Variants in CACNA2D4 observed in about 807,000 individuals in gnomAD.
The protein encoded by CACNA2D4 is voltage-dependent calcium channel subunit alpha-2/delta-4.
CACNA2D4 carries 157 observed loss-of-function variants against 163.8 expected under a neutral mutation model. The observed-to-expected ratio is 0.96, with a 90% confidence interval of 0.84 to 1.09. The LOEUF (loss-of-function observed/expected upper bound fraction) is 1.09, where lower values mean the gene tolerates loss of function less well. CACNA2D4 is among the 50% of genes least tolerant of loss of function. CACNA2D4 has a pLI of 0.00. For synonymous variants in CACNA2D4, 598 were observed against 586.9 expected, an observed-to-expected ratio of 1.02 and a Z score of -0.27; for missense variants, 1,410 against 1,479.9, an observed-to-expected ratio of 0.95 and a Z score of 0.78.
intron 29 of CACNA2D4, among the ~76,000 whole-genome samples, chr12:1,803,194 C>T (rs1366976502): frequency 6.6e-6 from 1 of 152,234 alleles, no homozygotes; most frequent in East Asian, 1.9e-4. Context: ...TGGGGCCTGC[C>T]CTGGGCAGCC....
chr12:1,912,990 A>G lies in CACNA2D4; in HGVS notation c.426+33T>C, dbSNP rs749388262. ...TGCCACCTGCGTCATGGGGCTGGGG[A>G]GAAACGCCCTGCAGATCACAGGCCT... On this transcript the variant is annotated intron_variant, in intron 3 of 37. Transcript: ENST00000382722. The G allele has an allele frequency of 5.7e-6, 8 of 1,410,078 alleles. No homozygotes were observed. In the Admixed American group the frequency reaches 1.4e-4, roughly 24 times the overall value. 87.3% of individuals were successfully genotyped at this position (1,410,078 alleles called of 1,614,324 possible). A position where few individuals can be genotyped will look rare whatever the true frequency, so the allele number is the denominator to read the frequency against.
At chr12:1,809,364 C>G (rs939172515) in intron 29 of CACNA2D4, 77 of 607,408 alleles carry the variant, frequency 1.3e-4, no homozygotes, top group Non-Finnish European at 2.0e-4. Flanking sequence ...CCCGGCGAGA[C>G]ACAGCTAATG....
Position 1,913,137 on chromosome 12 carries a change from C to T in CACNA2D4, c.312G>A (p.Lys104=). ...TCAGACTGGACTCCACATCCTTGTA[C>T]TTCTGTTTGGGGAAAGTGGGAGAGA... The part of the protein sequence containing the change: ...KYSGSLLLQK[K]YKDVESSLKI... The change falls in exon 3 of 38, where the codon AAG becomes AAA. Residue 104 remains lysine (K), a splice_region_variant and synonymous_variant. Transcript: ENST00000382722. The T allele has an allele frequency of 9.9e-6, 16 of 1,610,124 alleles. 1 individual carries two copies. Among genetic ancestry groups the T allele is most frequent in the Middle Eastern group, 1.7e-4 (1 of 6,058 alleles).
intron 18 of CACNA2D4, among the ~76,000 whole-genome samples, chr12:1,865,628 C>T (rs1406322821): frequency 6.6e-6 from 1 of 152,206 alleles, no homozygotes; most frequent in Admixed American, 6.5e-5. Flanking sequence ...TCACCGCATC[C>T]GCTGCGGCTG....
intron 6 of CACNA2D4, among the ~76,000 whole-genome samples, chr12:1,903,190 C>T (rs768233874): frequency 1.6e-4 from 24 of 152,032 alleles, no homozygotes; most frequent in Non-Finnish European, 2.9e-4. Context: ...AGACTCCTAT[C>T]GCTCACCATA....
At chr12:1,909,494 G>A (rs1453870392) in intron 4 of CACNA2D4, among the ~76,000 whole-genome samples, 3 of 152,198 alleles carry the variant, frequency 2.0e-5, no homozygotes, top group East Asian at 1.9e-4. Context: ...GCGCCTGGGC[G>A]TGTTTTCTTA....
chr12:1,853,237 C>G (rs1057063240), intron 23 of CACNA2D4, among the ~76,000 whole-genome samples: 1 of 152,138 alleles, frequency 6.6e-6, no homozygotes, highest in Non-Finnish European at 1.5e-5. Flanking sequence ...CCACTTTTTA[C>G]AGAAAAGGTA....
chr12:1,905,728 T>A (rs1406476076), intron 6 of CACNA2D4, among the ~76,000 whole-genome samples: 1 of 152,184 alleles, frequency 6.6e-6, no homozygotes. Flanking sequence ...ACATTCCATA[T>A]TCATGGACTG....
Position 1,854,009 on chromosome 12 carries a change from C to T in CACNA2D4, c.2188G>A (p.Ala730Thr), listed in dbSNP as rs368331985. ...GCTTCCATGGGGGCTGTCACCACCG[C>T]GTCAAACAGCACCTCCCGGACCAGC... Reference protein sequence around the residue: ...EELVREVLFDAVVTAPMEAYW... With the variant: ...EELVREVLFDTVVTAPMEAYW... Residue 730 changes from alanine to threonine, a missense_variant, in exon 23 of 38, where the codon GCG becomes ACG. Ala to Thr is a moderately conservative substitution (Grantham distance 58). Transcript: ENST00000382722. 4.1e-5 allele frequency: 66 copies of T among 1,612,804 alleles called. No individual in the cohort carries two copies. Among genetic ancestry groups the T allele is most frequent in the African/African-American group, 6.7e-5 (5 of 74,872 alleles).
chr12:1,841,156 G>T (rs1431436605), intron 25 of CACNA2D4, among the ~76,000 whole-genome samples: 1 of 152,218 alleles, frequency 6.6e-6, no homozygotes, highest in Non-Finnish European at 1.5e-5. Context: ...CCTTCCAACG[G>T]CAGGAAGGAC....
intron 26 of CACNA2D4, among the ~76,000 whole-genome samples, chr12:1,822,468 C>T (rs1864144614): frequency 6.9e-6 from 1 of 145,918 alleles, no homozygotes. Context: ...GAGCCCAGCC[C>T]CAGGGACACC....
intron 11 of CACNA2D4, among the ~76,000 whole-genome samples, chr12:1,884,547 A>G (rs1866087344): frequency 6.6e-6 from 1 of 152,080 alleles, no homozygotes; most frequent in African/African-American, 2.4e-5. Flanking sequence ...ATGTCCCCAA[A>G]CCATATTCTG....
At position 1,875,222 on chromosome 12, in the gene CACNA2D4, C is replaced by T. The variant is rs779542325; in HGVS notation, c.1806+29G>A. 2 of 1,518,484 alleles carry T rather than the reference C, an allele frequency of 1.3e-6. No homozygotes were observed. The highest frequency in any genetic ancestry group is 1.8e-6 in the Non-Finnish European group (2 of 1,093,148). 94.1% of individuals were successfully genotyped at this position (1,518,484 alleles called of 1,614,324 possible). A position where few individuals can be genotyped will look rare whatever the true frequency, so the allele number is the denominator to read the frequency against. On this transcript the variant is annotated intron_variant, in intron 17 of 37. Coordinates refer to ENST00000382722, the MANE Select transcript of CACNA2D4 (RefSeq NM_172364.5). The surrounding 1 kb of genome is among the most constrained non-coding windows in gnomAD (Gnocchi z 4.0). Reference sequence around the variant, plus strand: ...TTAGTTGGATGTAGAGCCTAACTAGCTTCCCTTCCCCCTATTTTCCCCACT... The same window carrying T: ...TTAGTTGGATGTAGAGCCTAACTAGTTTCCCTTCCCCCTATTTTCCCCACT...
chr12:1,900,498 A>C (rs1442942157), intron 6 of CACNA2D4, among the ~76,000 whole-genome samples: 2 of 152,192 alleles, frequency 1.3e-5, no homozygotes. Context: ...TCTCTTATTC[A>C]TTGCTTGTGG....
At position 1,878,559 on chromosome 12, in the gene CACNA2D4, G is replaced by A; in HGVS notation, c.1645-170C>T. The A allele has an allele frequency of 2.3e-6, 3 of 1,283,700 alleles. No individual in the cohort carries two copies. The South Asian group carries it at 3.8e-5, about 16-fold the overall frequency. 79.5% of individuals were successfully genotyped at this position (1,283,700 alleles called of 1,614,324 possible). ...TGCCATGCTTCCATCATTGATTGAG[G>A]AGTCCTTTCCAAACCGGACTGTTTA... On this transcript the variant is annotated intron_variant, in intron 15 of 37. Coordinates refer to ENST00000382722, the MANE Select transcript of CACNA2D4 (RefSeq NM_172364.5). The surrounding 1 kb of genome is among the most constrained non-coding windows in gnomAD (Gnocchi z 4.6).
chr12:1,804,755 T>G (rs757291630), intron 29 of CACNA2D4, among the ~76,000 whole-genome samples: 1 of 152,262 alleles, frequency 6.6e-6, no homozygotes, highest in Non-Finnish European at 1.5e-5. Context: ...TCCTCGCTCT[T>G]GCGCTCTGGG....
chr12:1,852,024 CTA>C lies in CACNA2D4; in HGVS notation c.2246+1925_2246+1926del, dbSNP rs954997690. Among the ~76,000 whole-genome samples, 13 of 152,184 alleles carry C rather than the reference CTA, an allele frequency of 8.5e-5. No individual in the cohort carries two copies. The East Asian group carries it at 2.3e-3, about 27-fold the overall frequency. On this transcript the variant is annotated intron_variant, in intron 23 of 37. Transcript: ENST00000382722. ...TTTAAAATAAGCCTTCTCATATCTTCTATCTTTTTTGTGTGTAGATAAAGGCT... is the reference window on the plus strand; with the variant it reads ...TTTAAAATAAGCCTTCTCATATCTTCTCTTTTTTGTGTGTAGATAAAGGCT...
At chr12:1,913,172 G>A (rs1474184725) in intron 2 of CACNA2D4, 33 bp from the exon 3 acceptor site, 6 of 1,465,308 alleles carry the variant, frequency 4.1e-6, no homozygotes, top group Non-Finnish European at 4.8e-6. Context: ...ATGCGTGCAT[G>A]TGGTTTTGTA....
In CACNA2D4 at chr12:1,793,744, A is replaced by C. The variant is rs768998593; in HGVS notation, c.3325T>G (p.Cys1109Gly). The C allele has an allele frequency of 1.9e-6, 3 of 1,613,050 alleles. No individual in the cohort carries two copies. Among genetic ancestry groups the C allele is most frequent in the Non-Finnish European group, 2.5e-6 (3 of 1,179,858 alleles). The change falls in exon 38 of 38, where the codon TGC becomes GGC. Residue 1109 changes from cysteine (C) to glycine (G), a missense_variant. Coordinates refer to ENST00000382722, the MANE Select transcript of CACNA2D4 (RefSeq NM_172364.5). Reference sequence around the variant, plus strand: ...GCTGAGGTGTCCGAGGCGCCGCCGCAGTCCTGGGCATTCTCCTGCGAACGC... The same window carrying C: ...GCTGAGGTGTCCGAGGCGCCGCCGCCGTCCTGGGCATTCTCCTGCGAACGC... The part of the protein sequence containing the change: ...AFHPEENAQD[C>G]GGASDTSASP...
Sources: gnomAD v4.1 joint callset for allele counts (sites outside exome capture counted in the v4.1 genomes callset) on GRCh38, gnomAD v4.1.1 for gene constraint, Gnocchi (gnomAD v3.1) non-coding constraint, MANE v1.5 for transcripts, NCBI Gene and HGNC (gene_info 2026-07-23, HGNC 2026-07-21) for gene names.